The following PLCE1 variants were observed in gnomAD, a reference collection of about 807,000 sequenced individuals.
PLCE1 encodes phospholipase C epsilon 1.
In PLCE1, 119 loss-of-function variants were observed where a neutral mutation model predicts 242.8. The observed-to-expected ratio is 0.49, with a 90% CI of 0.42 to 0.57. The LOEUF (loss-of-function observed/expected upper bound fraction) is 0.57. Among genes scored for constraint, PLCE1 ranks in the 20% least tolerant of loss-of-function variants. The pLI is 0.00. For synonymous variants in PLCE1, 945 were observed against 1,017.4 expected (o/e 0.93, Z 1.35); for missense variants, 2,441 against 2,788.8 (o/e 0.88, Z 2.81).
rs1041506622 is a variant in PLCE1 at position 94,306,770 on chromosome 10, T to C, written c.5884+82T>C. 9.1e-7 allele frequency: 1 copy of C among 1,094,662 alleles called. No homozygotes were observed. The highest frequency in any genetic ancestry group is 1.4e-6 in the Non-Finnish European group (1 of 739,304). The allele number at this position is 1,094,662 out of a possible 1,614,324, so 67.8% of individuals were successfully genotyped here. ...AATTTCCTTATACTCTTCTCTCTTT[T>C]CTGTTTGACATTTTCCTATAAAGAA... is the stretch of plus-strand genomic sequence containing the variant. On this transcript the variant is annotated intron_variant, in intron 26 of 32. Coordinates refer to ENST00000371380, the MANE Select transcript of PLCE1 (RefSeq NM_016341.4). This position sits in a 1 kb window ranked among gnomAD's most constrained non-coding sequence, Gnocchi z 5.7.
chr10:94,161,213 G>A (rs758158111), intron 3 of PLCE1, among the ~76,000 whole-genome samples: 1 of 152,224 alleles, frequency 6.6e-6, no homozygotes, highest in Non-Finnish European at 1.5e-5. Context: ...TTGGTAGCTT[G>A]ATGGGGATGG....
At position 94,255,914 on chromosome 10, in the gene PLCE1, A is replaced by ACACACACTCT. The variant is rs1284531207; in HGVS notation, c.3554+866_3554+867insACACACTCTC. On this transcript the variant is annotated intron_variant, in intron 11 of 32. Coordinates refer to ENST00000371380, the MANE Select transcript of PLCE1 (RefSeq NM_016341.4). ...CACACACACACACACACACACACACACTCTCTCTCTCTCTCTCTCTCTCTC... is the reference window on the plus strand; with the variant it reads ...CACACACACACACACACACACACACACACACACTCTCTCTCTCTCTCTCTCTCTCTCTCTC... Among the ~76,000 whole-genome samples the ACACACACTCT allele has an allele frequency of 1.1e-3, 73 of 67,320 alleles. 1 individual carries two copies. Among genetic ancestry groups the ACACACACTCT allele is most frequent in the African/African-American group, 4.0e-3 (64 of 16,104 alleles). 44.2% of individuals were successfully genotyped at this position (67,320 alleles called of 152,430 possible).
intron 21 of PLCE1, 47 bp downstream of exon 21, chr10:94,283,958 CTT>C: frequency 6.3e-7 from 1 of 1,597,572 alleles, no homozygotes; most frequent in Non-Finnish European, 8.6e-7. Flanking sequence ...ATGTGGTACT[CTT>C]GTCAGTTTCA....
intron 2 of PLCE1, among the ~76,000 whole-genome samples, chr10:94,048,891 C>T (rs898996367): frequency 1.3e-5 from 2 of 151,340 alleles, no homozygotes; most frequent in African/African-American, 2.4e-5. Flanking sequence ...ACTTCAGCCT[C>T]CCGAGTAGCT....
At chr10:94,167,101 C>A (rs2047829494) in intron 3 of PLCE1, among the ~76,000 whole-genome samples, 1 of 152,122 alleles carries the variant, frequency 6.6e-6, no homozygotes. Context: ...ACCAGCCTGG[C>A]CAACATGGCG....
chr10:94,093,029 T>C (rs980731643), intron 2 of PLCE1, among the ~76,000 whole-genome samples: 1 of 152,034 alleles, frequency 6.6e-6, no homozygotes. Flanking sequence ...CTAGACTGAG[T>C]TGACAAACTG....
At chr10:94,079,366 A>G (rs543264944) in intron 2 of PLCE1, among the ~76,000 whole-genome samples, 64 of 152,170 alleles carry the variant, frequency 4.2e-4, no homozygotes, top group Middle Eastern at 3.4e-3. Flanking sequence ...GCATTGAGTT[A>G]TATTTATTTC....
chr10:94,250,983 T>C (rs117150988), intron 8 of PLCE1, among the ~76,000 whole-genome samples: 2,347 of 152,262 alleles, frequency 0.015, 33 homozygotes, highest in Middle Eastern at 0.088. Flanking sequence ...TCTCCAACCA[T>C]TTTCATTCTC....
intron 2 of PLCE1, among the ~76,000 whole-genome samples, chr10:94,047,454 C>A (rs1452663343): frequency 6.6e-6 from 1 of 152,114 alleles, no homozygotes; most frequent in African/African-American, 2.4e-5. Context: ...GCCCTTTTGC[C>A]ATTTTGTTTT....
chr10:94,262,861 G>T (rs529452888), intron 14 of PLCE1, 129 bp downstream of exon 14: 736 of 678,284 alleles, frequency 1.1e-3, no homozygotes, highest in Admixed American at 3.0e-3. Flanking sequence ...ATACAGTTTT[G>T]TTTTTTTTTT....
intron 28 of PLCE1, among the ~76,000 whole-genome samples, chr10:94,313,829 G>C (rs1026249855): frequency 4.6e-5 from 7 of 152,136 alleles, no homozygotes; most frequent in African/African-American, 1.7e-4. Flanking sequence ...CAAATTCTTA[G>C]AGCTTCAGGA....
chr10:94,258,830 G>C lies in PLCE1; in HGVS notation c.3585G>C (p.Arg1195=). 2 of 1,614,088 alleles carry C rather than the reference G, an allele frequency of 1.2e-6. No individual in the cohort carries two copies. The highest frequency in any genetic ancestry group is 1.7e-6 in the Non-Finnish European group (2 of 1,179,978). The stretch of plus-strand genomic sequence containing the variant: ...GGAGCAGTAGTAGCTGGCACGGGCG[G>C]ATCAAAGGCGGCATGAAGGGATTTC... The part of the protein sequence containing the change: ...SAWSSSSWHG[R]IKGGMKGFQS... The change falls in exon 12 of 33, where the codon CGG becomes CGC. Residue 1195 remains arginine (R), a synonymous_variant. Transcript: ENST00000371380.
intron 4 of PLCE1, among the ~76,000 whole-genome samples, chr10:94,186,887 A>T (rs536692216): frequency 1.8e-4 from 27 of 152,342 alleles, no homozygotes; most frequent in African/African-American, 6.3e-4. Context: ...GAGAGTGATG[A>T]TGAAGCTGCT....
intron 1 of PLCE1, among the ~76,000 whole-genome samples, chr10:93,996,668 G>A (rs1201119178): frequency 6.6e-6 from 1 of 152,194 alleles, no homozygotes; most frequent in Non-Finnish European, 1.5e-5. Context: ...GGTTTTTACC[G>A]AGGCTATAAT....
At chr10:94,132,907 G>A (rs529169883) in intron 3 of PLCE1, among the ~76,000 whole-genome samples, 3 of 137,388 alleles carry the variant, frequency 2.2e-5, no homozygotes, top group East Asian at 2.2e-4. Context: ...CCGAGCTCAC[G>A]CCACTGCACT....
chr10:94,246,844 G>A (rs1307242189), intron 8 of PLCE1, among the ~76,000 whole-genome samples: 1 of 152,162 alleles, frequency 6.6e-6, no homozygotes, highest in African/African-American at 2.4e-5. Flanking sequence ...TGAGGCTGTG[G>A]CTCACGCCTG....
chr10:94,160,036 G>A (rs28397938), intron 3 of PLCE1, among the ~76,000 whole-genome samples: 3 of 152,108 alleles, frequency 2.0e-5, no homozygotes, highest in Non-Finnish European at 4.4e-5. Context: ...CATTTGGCTT[G>A]GTTCCAAGTC....
At chr10:94,080,553 C>T (rs1005665067) in intron 2 of PLCE1, among the ~76,000 whole-genome samples, 39 of 152,284 alleles carry the variant, frequency 2.6e-4, no homozygotes, top group Middle Eastern at 3.4e-3. Flanking sequence ...CTCTGGATTC[C>T]GAGTCAGCTT....
chr10:94,006,384 A>G (rs1321527785), intron 1 of PLCE1, among the ~76,000 whole-genome samples: 2 of 152,228 alleles, frequency 1.3e-5, no homozygotes, highest in African/African-American at 4.8e-5. Context: ...GTAAGGATCC[A>G]TGAAAGGTTT....
Sources: allele counts gnomAD v4.1 joint callset (sites outside exome capture counted in the v4.1 genomes callset), GRCh38; gene constraint gnomAD v4.1.1; non-coding constraint Gnocchi (gnomAD v3.1); transcripts MANE v1.5; gene names NCBI Gene and HGNC (gene_info 2026-07-23, HGNC 2026-07-21).